The following HECW2 variants were observed in gnomAD, a reference collection of about 807,000 sequenced individuals.
HECW2 encodes the protein E3 ubiquitin-protein ligase HECW2.
HECW2 carries 61 observed loss-of-function variants against 175.2 expected under a neutral mutation model. The ratio of observed to expected loss-of-function variants is 0.35; its 90% CI spans 0.28 to 0.43. The LOEUF (loss-of-function observed/expected upper bound fraction) is 0.43, where lower values mean the gene tolerates loss of function less well. HECW2 is among the 20% of genes least tolerant of loss of function. The pLI is 1.00. For synonymous variants in HECW2, 671 were observed against 731.0 expected (o/e 0.92, Z 1.32); for missense variants, 1,524 against 2,000.5 (o/e 0.76, Z 4.54).
rs1411103028 is a variant in HECW2, at chr2:196,433,200, T to C, written c.224A>G (p.Asn75Ser). The C allele has an allele frequency of 1.2e-6, 2 of 1,614,072 alleles. No individual in the cohort carries two copies. The highest frequency in any genetic ancestry group is 4.5e-5 in the East Asian group (2 of 44,878). Residue 75 changes from asparagine (N) to serine (S), a missense_variant, in exon 2 of 29, where the codon AAC becomes AGC. Around this residue, in one of 11 missense-constraint regions of HECW2, gnomAD observed 135 missense variants for 214.6 expected, o/e 0.63. Transcript: ENST00000644978. The stretch of plus-strand genomic sequence containing the variant: ...TTTAATGTCCCAGAAGATAATGAGG[T>C]TCTGGGCTTGCCCCAGCGTGTACTC... ...MYEYTLGQAQ[N>S]LIIFWDIKEE...
chr2:196,474,848 C>A (rs1234177295), intron 1 of HECW2, among the ~76,000 whole-genome samples: 1 of 152,152 alleles, frequency 6.6e-6, no homozygotes, highest in Non-Finnish European at 1.5e-5. Context: ...TGAAACTAAG[C>A]AAATTAATCA....
At chr2:196,557,126 T>C (rs1559174407) in intron 1 of HECW2, among the ~76,000 whole-genome samples, 1 of 152,202 alleles carries the variant, frequency 6.6e-6, no homozygotes, top group Admixed American at 6.5e-5. Flanking sequence ...CAGGGTGCAG[T>C]GACTCATGTC....
chr2:196,464,491 A>G (rs1696870511), intron 1 of HECW2, among the ~76,000 whole-genome samples: 1 of 152,166 alleles, frequency 6.6e-6, no homozygotes, highest in South Asian at 2.1e-4. Context: ...GAGACATTCA[A>G]TCCTCTTTCT....
At chr2:196,486,903 G>A (rs1687024765) in intron 1 of HECW2, among the ~76,000 whole-genome samples, 1 of 152,176 alleles carries the variant, frequency 6.6e-6, no homozygotes, top group Admixed American at 6.5e-5. Context: ...GAAAGCCGAG[G>A]CAGGAGGATC....
chr2:196,319,005 T>C lies in HECW2; in HGVS notation c.1885A>G (p.Ser629Gly). 7 of 1,613,946 alleles carry C rather than the reference T, an allele frequency of 4.3e-6. No homozygotes were observed. The highest frequency in any genetic ancestry group is 5.9e-6 in the Non-Finnish European group (7 of 1,179,934). ...PARTESVSEASTRPEGESDLE... is the reference protein window; with the variant it reads ...PARTESVSEAGTRPEGESDLE... The stretch of plus-strand genomic sequence containing the variant: ...TCACTCTCTCCCTCAGGCCTGGTGC[T>C]GGCTTCGCTCACACTCTCTGTCCTG... Residue 629 changes from serine to glycine, a missense_variant, in exon 9 of 29, where the codon AGC (serine) becomes GGC (glycine). Ser to Gly is a moderately conservative substitution (Grantham distance 56, BLOSUM62 0). This residue lies in a region of HECW2 where 604 missense variants were observed against 588.3 expected (regional missense o/e 1.03). Transcript: ENST00000644978.
intron 14 of HECW2, chr2:196,291,665 C>T (rs567566150): frequency 6.6e-6 from 1 of 152,202 alleles, no homozygotes; most frequent in Non-Finnish European, 1.5e-5. Context: ...GAGCATGGTT[C>T]CTGGAACCAG....
intron 14 of HECW2, among the ~76,000 whole-genome samples, chr2:196,279,084 T>C (rs1033645798): frequency 1.3e-5 from 2 of 152,156 alleles, no homozygotes; most frequent in African/African-American, 4.8e-5. Flanking sequence ...AGTCTCGCTC[T>C]GTCACCCAGG....
intron 2 of HECW2, among the ~76,000 whole-genome samples, chr2:196,398,927 C>T (rs534622354): frequency 1.3e-5 from 2 of 152,304 alleles, no homozygotes; most frequent in South Asian, 4.1e-4. Context: ...CTGCAGTGAG[C>T]TGTGATTTCA....
chr2:196,462,783 C>A (rs1696798516), intron 1 of HECW2, among the ~76,000 whole-genome samples: 1 of 151,996 alleles, frequency 6.6e-6, no homozygotes, highest in South Asian at 2.1e-4. Context: ...AACAACTGTA[C>A]TTTTTCATCT....
chr2:196,294,605 A>G (rs566146837), intron 13 of HECW2, among the ~76,000 whole-genome samples: 8 of 152,332 alleles, frequency 5.3e-5, no homozygotes, highest in African/African-American at 1.9e-4. Flanking sequence ...TTTAATAAAC[A>G]TTTATTGTCT....
chr2:196,548,267 T>C (rs986466708), intron 1 of HECW2, among the ~76,000 whole-genome samples: 7 of 148,686 alleles, frequency 4.7e-5, no homozygotes, highest in African/African-American at 1.7e-4. Context: ...GAGGTGGAGG[T>C]TGCAGTGGGC....
intron 3 of HECW2, 39 bp downstream of exon 3, chr2:196,343,618 G>T: frequency 7.7e-7 from 1 of 1,290,362 alleles, no homozygotes; most frequent in Non-Finnish European, 1.1e-6. Context: ...CTTATGCAAT[G>T]TTCAATAATA....
chr2:196,330,400 T>C (rs1692315088), intron 4 of HECW2, among the ~76,000 whole-genome samples: 1 of 152,190 alleles, frequency 6.6e-6, no homozygotes, highest in Admixed American at 6.5e-5. Context: ...TCAACAGAAT[T>C]GAAGGCAGAA....
At chr2:196,347,346 C>T (rs1692994904) in intron 2 of HECW2, among the ~76,000 whole-genome samples, 1 of 152,016 alleles carries the variant, frequency 6.6e-6, no homozygotes, top group Non-Finnish European at 1.5e-5. Context: ...AGGTGTAAGC[C>T]ACCACGCCTG....
intron 1 of HECW2, among the ~76,000 whole-genome samples, chr2:196,591,021 T>G (rs1003632358): frequency 6.6e-6 from 1 of 152,182 alleles, no homozygotes; most frequent in Non-Finnish European, 1.5e-5. Context: ...AAAACTAGCT[T>G]TGTGATCTGG....
intron 2 of HECW2, among the ~76,000 whole-genome samples, chr2:196,405,959 T>G (rs1229322365): frequency 6.6e-6 from 1 of 152,138 alleles, no homozygotes; most frequent in Non-Finnish European, 1.5e-5. Context: ...TCCCTCCTAC[T>G]TGATTATCCC....
chr2:196,370,782 G>A (rs1179916841), intron 2 of HECW2, among the ~76,000 whole-genome samples: 6 of 152,118 alleles, frequency 3.9e-5, no homozygotes, highest in Non-Finnish European at 5.9e-5. Flanking sequence ...TCTGCCCAGC[G>A]TTGCTTTCTG....
In HECW2 at chr2:196,351,963, G is replaced by A. The variant is rs115847488; in HGVS notation, c.293-8199C>T. Among the ~76,000 whole-genome samples, 1,016 of 152,278 alleles carry A rather than the reference G, an allele frequency of 6.7e-3. 13 individuals are homozygous for A. The highest frequency in any genetic ancestry group is 0.023 in the African/African-American group (975 of 41,560). On this transcript the variant is annotated intron_variant, in intron 2 of 28. Transcript: ENST00000644978. ...TACCAGGCCAGTTACTGGAATCCCA[G>A]AGCTACATTGAGGAGAAAACTGTGA...
intron 17 of HECW2, among the ~76,000 whole-genome samples, chr2:196,261,599 A>C (rs1382288286): frequency 6.6e-6 from 1 of 152,246 alleles, no homozygotes; most frequent in African/African-American, 2.4e-5. Context: ...AAGCACAGAA[A>C]GGTGCAAATG....
Sources: gnomAD v4.1 joint callset for allele counts (sites outside exome capture counted in the v4.1 genomes callset) on GRCh38, gnomAD v4.1.1 for gene constraint, gnomAD v4.1.1 regional missense constraint, MANE v1.5 for transcripts, NCBI Gene and HGNC (gene_info 2026-07-23, HGNC 2026-07-21) for gene names.